CAST: variants seen among roughly 807,000 people sequenced by gnomAD.
CAST encodes calpastatin.
In CAST, 76 loss-of-function variants were observed where a neutral mutation model predicts 119.6. The observed-to-expected ratio is 0.64, with a 90% CI of 0.53 to 0.77. The LOEUF (loss-of-function observed/expected upper bound fraction) is 0.77. Ranked by LOEUF, CAST falls within the 30% of genes least tolerant of loss-of-function variation. CAST has a pLI of 0.00. For missense variants in CAST, 953 were observed against 946.5 expected (o/e 1.01, Z -0.09); for synonymous variants, 319 against 331.6 (o/e 0.96, Z 0.41).
chr5:96,336,676 T>C, the CAST span, among the ~76,000 whole-genome samples: 3 of 152,244 alleles, frequency 2.0e-5, no homozygotes, highest in African/African-American at 7.2e-5. Flanking sequence ...TTACTATTAC[T>C]GTTCTTTGTC....
the CAST span, among the ~76,000 whole-genome samples, chr5:96,294,730 G>C: frequency 2.0e-5 from 3 of 152,258 alleles, no homozygotes; most frequent in South Asian, 2.1e-4. Flanking sequence ...CCAGCATTTC[G>C]TTGACTATTT....
the CAST span, among the ~76,000 whole-genome samples, chr5:96,420,063 C>A: frequency 6.6e-6 from 1 of 152,126 alleles, no homozygotes; most frequent in African/African-American, 2.4e-5. Flanking sequence ...ACAGATTTCC[C>A]GTAGTCTTAA....
intron 1 of CAST, among the ~76,000 whole-genome samples, chr5:96,559,881 G>T (rs1419852444): frequency 6.6e-6 from 1 of 152,116 alleles, no homozygotes; most frequent in Non-Finnish European, 1.5e-5. Flanking sequence ...AACCAAAAAA[G>T]AGCCCACATT....
intron 1 of CAST, among the ~76,000 whole-genome samples, chr5:96,576,148 A>T (rs188203783): frequency 6.6e-6 from 1 of 152,178 alleles, no homozygotes; most frequent in African/African-American, 2.4e-5. Flanking sequence ...GTCTAATTTC[A>T]TAACAGATAT....
chr5:96,604,615 A>AT (rs1561428005), intron 1 of CAST, among the ~76,000 whole-genome samples: 1 of 152,236 alleles, frequency 6.6e-6, no homozygotes, highest in Non-Finnish European at 1.5e-5. Context: ...GAGTGAACAA[A>AT]TGCTAAAGGA....
the CAST span, among the ~76,000 whole-genome samples, chr5:96,196,023 C>T: frequency 3.3e-4 from 50 of 152,254 alleles, 1 homozygote; most frequent in African/African-American, 1.1e-3. Flanking sequence ...AGCATAGCTC[C>T]ATGTTCCTCT....
chr5:96,469,865 GTATATATA>G, the CAST span, among the ~76,000 whole-genome samples: 9 of 129,308 alleles, frequency 7.0e-5, no homozygotes, highest in East Asian at 1.3e-3. Flanking sequence ...ATATGTGTGT[GTATATATA>G]TATATAATAT....
the CAST span, among the ~76,000 whole-genome samples, chr5:96,148,797 C>G: frequency 1.3e-5 from 2 of 152,164 alleles, no homozygotes; most frequent in Non-Finnish European, 1.5e-5. Flanking sequence ...TAACTATACA[C>G]GGAAGACTGT....
At chr5:96,766,030 C>T (rs1187035356) in intron 26 of CAST, 23 bp from the exon 27 acceptor site, 3 of 1,279,480 alleles carry the variant, frequency 2.3e-6, no homozygotes, top group Admixed American at 3.6e-5. Context: ...AATATTAATT[C>T]TATCTGCTCA....
At chr5:96,648,595 T>C (rs1748051997) in intron 1 of CAST, among the ~76,000 whole-genome samples, 2 of 152,206 alleles carry the variant, frequency 1.3e-5, no homozygotes, top group Non-Finnish European at 2.9e-5. Context: ...TGGCAACATC[T>C]TTGAAGGAAA....
chr5:96,443,211 A>C, the CAST span, among the ~76,000 whole-genome samples: 1 of 152,372 alleles, frequency 6.6e-6, no homozygotes, highest in South Asian at 2.1e-4. Context: ...CACCAAGAGT[A>C]AAATAGCCCA....
intron 3 of CAST, among the ~76,000 whole-genome samples, chr5:96,713,644 G>T (rs1431559285): frequency 6.6e-6 from 1 of 152,080 alleles, no homozygotes; most frequent in Admixed American, 6.5e-5. Context: ...CTTTGAGGAA[G>T]ATAAGCAAGA....
chr5:96,026,852 A>G, the CAST span, among the ~76,000 whole-genome samples: 1 of 152,292 alleles, frequency 6.6e-6, no homozygotes, highest in African/African-American at 2.4e-5. Context: ...TAGTATTTGC[A>G]AATGTTATGT....
chr5:96,367,652 C>T, the CAST span, among the ~76,000 whole-genome samples: 3 of 152,020 alleles, frequency 2.0e-5, no homozygotes, highest in African/African-American at 4.8e-5. Flanking sequence ...CCTGATGTGT[C>T]GTTTGCTAAG....
the CAST span, among the ~76,000 whole-genome samples, chr5:96,182,027 C>A: frequency 6.6e-6 from 1 of 152,160 alleles, no homozygotes; most frequent in Admixed American, 6.5e-5. Context: ...AATTCTTCTG[C>A]GTAACAGTCA....
chr5:96,525,177 A>T (rs749480868), upstream of CAST: 1 of 152,260 alleles, frequency 6.6e-6, no homozygotes. Flanking sequence ...TTGTCAGATC[A>T]TAATGGCTGC....
At chr5:96,722,843 G>T (rs1464111728) in intron 4 of CAST, 145 bp downstream of exon 4, 2 of 655,898 alleles carry the variant, frequency 3.0e-6, no homozygotes, top group African/African-American at 3.7e-5. Flanking sequence ...TAATTTATGG[G>T]GGTCTTTGAA....
the CAST span, among the ~76,000 whole-genome samples, chr5:96,491,478 G>A: frequency 3.8e-5 from 3 of 78,918 alleles, no homozygotes; most frequent in Non-Finnish European, 4.8e-5. Context: ...GGGACAGAGC[G>A]AGACTCCATC....
chr5:95,981,974 A>G, the CAST span, among the ~76,000 whole-genome samples: 1 of 152,168 alleles, frequency 6.6e-6, no homozygotes, highest in Non-Finnish European at 1.5e-5. Context: ...CTCAACTCCC[A>G]GAGAAGGCAT....
Sources: gnomAD v4.1 joint callset for allele counts (sites outside exome capture counted in the v4.1 genomes callset) on GRCh38, gnomAD v4.1.1 for gene constraint, MANE v1.5 for transcripts, NCBI Gene and HGNC (gene_info 2026-07-23, HGNC 2026-07-21) for gene names.